Variants in VPS45 observed in about 807,000 individuals in gnomAD.
The protein encoded by VPS45 is vacuolar protein sorting 45 homolog.
Under a neutral mutation model 75.9 loss-of-function variants are expected in VPS45, and 35 were observed. The ratio of observed to expected loss-of-function variants is 0.46; its 90% confidence interval spans 0.35 to 0.61. The LOEUF (loss-of-function observed/expected upper bound fraction) is 0.61, where lower values mean the gene tolerates loss of function less well. Ranked by LOEUF, VPS45 falls within the 20% of genes least tolerant of loss-of-function variation. The pLI is 0.00. For synonymous variants in VPS45, 220 were observed against 238.2 expected (o/e 0.92, Z 0.70); for missense variants, 559 against 685.9 (o/e 0.81, Z 2.07).
chr1:150,124,634 C>G (rs1658411621), intron 14 of VPS45, among the ~76,000 whole-genome samples: 1 of 150,986 alleles, frequency 6.6e-6, no homozygotes, highest in Non-Finnish European at 1.5e-5. Context: ...TCCAACCCCC[C>G]TACCTCCCGG....
At chr1:150,140,524 A>C (rs1488634401) in intron 14 of VPS45, among the ~76,000 whole-genome samples, 1 of 151,834 alleles carries the variant, frequency 6.6e-6, no homozygotes, top group Admixed American at 6.6e-5. Context: ...TTAACTACTA[A>C]TTAATTTTAT....
chr1:150,101,669 G>A (rs1341421952), intron 13 of VPS45, among the ~76,000 whole-genome samples: 1 of 151,922 alleles, frequency 6.6e-6, no homozygotes, highest in Non-Finnish European at 1.5e-5. Context: ...GGGAGGCAAA[G>A]GTTGCAGTGA....
At chr1:150,073,809 A>G (rs1655213687) in intron 3 of VPS45, among the ~76,000 whole-genome samples, 1 of 152,170 alleles carries the variant, frequency 6.6e-6, no homozygotes, top group South Asian at 2.1e-4. Flanking sequence ...CCCTTTTATT[A>G]GCTTATATGG....
At chr1:150,068,345 A>G in intron 1 of VPS45, 1 of 372,230 alleles carries the variant, frequency 2.7e-6, no homozygotes, top group South Asian at 8.6e-5. Context: ...CCAGAAAACA[A>G]AACTCTTTAA....
In VPS45 at chr1:150,067,818, G is replaced by T. The variant is rs889590002; in HGVS notation, c.-40G>T. 6.3e-7 allele frequency: 1 copy of T among 1,598,538 alleles called. No individual in the cohort carries two copies. Among genetic ancestry groups the T allele is most frequent in the Admixed American group, 1.7e-5 (1 of 59,374 alleles). On this transcript the variant is annotated 5_prime_UTR_variant, in exon 1 of 15. Coordinates refer to ENST00000644510, the MANE Select transcript of VPS45 (RefSeq NM_007259.5). Reference sequence around the variant, plus strand: ...CTGGGGGTTAATTTAGCCAGAAAAGGGGGCGGGAAGGGCTGTAGGGTACTT... The same window carrying T: ...CTGGGGGTTAATTTAGCCAGAAAAGTGGGCGGGAAGGGCTGTAGGGTACTT...
intron 10 of VPS45, among the ~76,000 whole-genome samples, chr1:150,083,797 G>C (rs1175653378): frequency 2.0e-5 from 3 of 151,806 alleles, no homozygotes; most frequent in Non-Finnish European, 4.4e-5. Flanking sequence ...TGGAAAGACT[G>C]ACTGAAGCCA....
At chr1:150,142,348 G>A (rs1553815481) in intron 14 of VPS45, among the ~76,000 whole-genome samples, 1 of 152,098 alleles carries the variant, frequency 6.6e-6, no homozygotes, top group Non-Finnish European at 1.5e-5. Context: ...AAAAATCAGT[G>A]CTACCTCATT....
Position 150,067,931 on chromosome 1 carries a change from T to C in VPS45, c.74T>C (p.Leu25Pro). Reference protein sequence around the residue: ...IEDSGPGMKVLLMDKETTGIV... With the variant: ...IEDSGPGMKVPLMDKETTGIV... ...GACAGCGGGCCTGGTATGAAAGTAC[T>C]TCTCATGGATAAAGAGACGGTGAGT... Residue 25 changes from leucine (L) to proline (P), a missense_variant, in exon 1 of 15, where the codon CTT becomes CCT. Leu to Pro is a moderately conservative substitution (Grantham distance 98). Coordinates refer to ENST00000644510, the MANE Select transcript of VPS45 (RefSeq NM_007259.5). 1 of 1,614,238 alleles carries C rather than the reference T, an allele frequency of 6.2e-7. No homozygotes were observed. The highest frequency in any genetic ancestry group is 8.5e-7 in the Non-Finnish European group (1 of 1,180,034).
Position 150,097,064 on chromosome 1 carries a change from A to G in VPS45, c.1493+3416A>G, listed in dbSNP as rs965907850. Among the ~76,000 whole-genome samples, 3 of 150,822 alleles carry G rather than the reference A, an allele frequency of 2.0e-5. No individual in the cohort carries two copies. The East Asian group carries it at 5.9e-4, about 30-fold the overall frequency. The stretch of plus-strand genomic sequence containing the variant: ...AGCTTTTTAAGATATATTAGATAGA[A>G]AAGCAGGATGTTGTAACATTTCTTT... On this transcript the variant is annotated intron_variant, in intron 13 of 14. Transcript: ENST00000644510.
chr1:150,129,512 C>CT (rs1184500523), intron 14 of VPS45, among the ~76,000 whole-genome samples: 19 of 151,868 alleles, frequency 1.3e-4, no homozygotes, highest in Non-Finnish European at 2.6e-4. Context: ...TGTTGTCAGC[C>CT]TTTTAGATCT....
At chr1:150,074,171 C>T (rs147848364) in intron 3 of VPS45, among the ~76,000 whole-genome samples, 280 of 151,770 alleles carry the variant, frequency 1.8e-3, no homozygotes, top group African/African-American at 6.5e-3. Flanking sequence ...CACACCACCA[C>T]GCCCAGCTAA....
intron 14 of VPS45, among the ~76,000 whole-genome samples, chr1:150,124,561 T>TTG (rs1418477851): frequency 6.7e-6 from 1 of 148,580 alleles, no homozygotes; most frequent in Non-Finnish European, 1.5e-5. Flanking sequence ...TCTTTTTTTT[T>TTG]TTTTGAGACA....
intron 2 of VPS45, 76 bp from the exon 3 acceptor site, chr1:150,072,090 C>T (rs1238243202): frequency 7.7e-7 from 1 of 1,302,712 alleles, no homozygotes; most frequent in African/African-American, 1.5e-5. Flanking sequence ...ATAAACAAAT[C>T]AATGGGTGAA....
chr1:150,143,293 G>A (rs1429388796), intron 14 of VPS45, among the ~76,000 whole-genome samples: 1 of 152,074 alleles, frequency 6.6e-6, no homozygotes, highest in Non-Finnish European at 1.5e-5. Context: ...CCTTAGTCTT[G>A]AAGAATAAGG....
chr1:150,130,983 G>A (rs587766042), intron 14 of VPS45, among the ~76,000 whole-genome samples: 1 of 152,272 alleles, frequency 6.6e-6, no homozygotes, highest in Non-Finnish European at 1.5e-5. Context: ...TCATATAGCA[G>A]GGAAATACAG....
chr1:150,128,302 TA>T (rs56026495), intron 14 of VPS45, among the ~76,000 whole-genome samples: 1 of 145,290 alleles, frequency 6.9e-6, no homozygotes. Context: ...ACCCTTGTCT[TA>T]AAAAAAAAAA....
chr1:150,130,489 G>A (rs1299641378), intron 14 of VPS45, among the ~76,000 whole-genome samples: 1 of 152,036 alleles, frequency 6.6e-6, no homozygotes, highest in Non-Finnish European at 1.5e-5. Context: ...ACCACACCAG[G>A]CCTAGCCCAC....
In VPS45 at chr1:150,092,078, T is replaced by A; in HGVS notation, c.1246T>A (p.Ser416Thr). The A allele has an allele frequency of 6.2e-7, 1 of 1,613,660 alleles. No homozygotes were observed. The highest frequency in any genetic ancestry group is 8.5e-7 in the Non-Finnish European group (1 of 1,179,812). Residue 416 changes from serine (S) to threonine (T), a missense_variant, in exon 11 of 15, where the codon TCT becomes ACT. Physicochemically the swap from Ser to Thr is moderately conservative, Grantham distance 58. Transcript: ENST00000644510. ...LMMDLRNKGV[S>T]EKYRKLVSAV... is the part of the protein sequence containing the mutation. ...GATGGACCTCAGGAATAAAGGTGTT[T>A]CTGAGAAGTATCGAAAGGTAACCAG...
intron 13 of VPS45, among the ~76,000 whole-genome samples, chr1:150,104,551 A>G (rs1454272180): frequency 2.6e-5 from 4 of 152,056 alleles, no homozygotes; most frequent in Non-Finnish European, 4.4e-5. Flanking sequence ...TCTGGGTCAA[A>G]TGGTAAGTTG....
Sources: gnomAD v4.1 joint callset for allele counts (sites outside exome capture counted in the v4.1 genomes callset) on GRCh38, gnomAD v4.1.1 for gene constraint, MANE v1.5 for transcripts, NCBI Gene and HGNC (gene_info 2026-07-23, HGNC 2026-07-21) for gene names.